The following BYSL variants were observed in gnomAD, a reference collection of about 807,000 sequenced individuals.
BYSL encodes bystin.
BYSL carries 21 observed loss-of-function variants against 45.4 expected under a neutral mutation model. The ratio of observed to expected loss-of-function variants is 0.46; its 90% CI spans 0.33 to 0.67. The LOEUF is 0.67. Ranked by LOEUF, BYSL falls within the 30% of genes least tolerant of loss-of-function variation. BYSL has a pLI of 0.02. For missense variants in BYSL, 522 were observed against 578.5 expected (o/e 0.90, Z 1.00); for synonymous variants, 215 against 231.3 (o/e 0.93, Z 0.64).
Position 41,927,461 on chromosome 6 carries a change from A to G in BYSL, c.356A>G (p.His119Arg), listed in dbSNP as rs1224162477. 1.2e-6 allele frequency: 2 copies of G among 1,614,212 alleles called. No individual in the cohort carries two copies. The highest frequency in any genetic ancestry group is 1.7e-6 in the Non-Finnish European group (2 of 1,180,022). The part of the protein sequence containing the change: ...EKAATMTAAG[H>R]HAEVVVDPED... ...GCTGCCACAATGACAGCAGCGGGCC[A>G]TCATGCAGAGGTGGTTGTGGACCCT... The change falls in exon 2 of 7, where the codon CAT becomes CGT. Residue 119 changes from histidine to arginine, a missense_variant. Physicochemically the swap from His to Arg is conservative, Grantham distance 29. Coordinates refer to ENST00000230340, the MANE Select transcript of BYSL (RefSeq NM_004053.4).
the BYSL span, among the ~76,000 whole-genome samples, chr6:41,912,199 C>CTTTTT: frequency 3.4e-5 from 4 of 119,276 alleles, no homozygotes; most frequent in Admixed American, 9.3e-5. Flanking sequence ...CCATGCCCAC[C>CTTTTT]TTTTTTTTTT....
chr6:41,924,113 T>G (rs1359440948), intron 1 of BYSL, among the ~76,000 whole-genome samples: 1 of 151,288 alleles, frequency 6.6e-6, no homozygotes, highest in Non-Finnish European at 1.5e-5. Context: ...CCAGGCTGAG[T>G]GCAATACCAC....
chr6:41,931,867 G>T (rs1775645355), intron 6 of BYSL, 37 bp downstream of exon 6: 2 of 1,560,118 alleles, frequency 1.3e-6, no homozygotes, highest in South Asian at 2.2e-5. Context: ...CTGGTCAGTG[G>T]ATATCCAGAT....
chr6:41,926,712 G>A (rs1191975770), intron 1 of BYSL, among the ~76,000 whole-genome samples: 4 of 150,770 alleles, frequency 2.7e-5, no homozygotes, highest in African/African-American at 9.7e-5. Flanking sequence ...GCCTCCCAAA[G>A]TGCTGGGATT....
the BYSL span, chr6:41,909,353 C>T: frequency 3.1e-6 from 5 of 1,614,146 alleles, no homozygotes; most frequent in Non-Finnish European, 3.4e-6. Flanking sequence ...ACCTGGTGCC[C>T]CGGGTCTCAA....
chr6:41,927,661 A>G, intron 2 of BYSL, 125 bp downstream of exon 2: 1 of 1,228,528 alleles, frequency 8.1e-7, no homozygotes. Flanking sequence ...GTAGGGGACC[A>G]CCTTGACAAA....
chr6:41,932,797 G>A lies in BYSL; in HGVS notation c.*91G>A. ...AAGATGACACTGAGCTTTAATGGCT[G>A]AAGACCCAGATCAGGGCAGTGACAG... On this transcript the variant is annotated 3_prime_UTR_variant, in exon 7 of 7. Coordinates refer to ENST00000230340, the MANE Select transcript of BYSL (RefSeq NM_004053.4). The surrounding 1 kb of genome is among the most constrained non-coding windows in gnomAD (Gnocchi z 4.7). The A allele has an allele frequency of 1.5e-6, 2 of 1,324,060 alleles. No homozygotes were observed. Among genetic ancestry groups the A allele is most frequent in the Non-Finnish European group, 2.1e-6 (2 of 967,996 alleles). 82.0% of individuals were successfully genotyped at this position (1,324,060 alleles called of 1,614,324 possible). A position where few individuals can be genotyped will look rare whatever the true frequency, so the allele number is the denominator to read the frequency against.
intron 6 of BYSL, 127 bp downstream of exon 6, chr6:41,931,957 A>G: frequency 1.1e-6 from 1 of 875,968 alleles, no homozygotes; most frequent in Non-Finnish European, 1.9e-6. Context: ...TGTTTAAGCC[A>G]ATGAGTAGGT....
At chr6:41,921,076 G>A (rs1288392766), upstream of BYSL, 3 of 1,601,030 alleles carry the variant, frequency 1.9e-6, no homozygotes, top group African/African-American at 2.7e-5. Context: ...TTCCCTGTCC[G>A]CCCACAGAAA....
chr6:41,923,246 G>A (rs757348608), intron 1 of BYSL, among the ~76,000 whole-genome samples: 5 of 151,302 alleles, frequency 3.3e-5, no homozygotes, highest in Admixed American at 6.6e-5. Context: ...GGCTCCAGTC[G>A]TCTTTCCACC....
the BYSL span, chr6:41,909,127 T>A: frequency 8.8e-6 from 10 of 1,134,988 alleles, no homozygotes; most frequent in Non-Finnish European, 8.7e-6. Context: ...TGTGCCAAGA[T>A]TGTGCCATTG....
At chr6:41,909,090 C>G in the BYSL span, 1 of 763,126 alleles carries the variant, frequency 1.3e-6, no homozygotes. Context: ...GGAAGGATCA[C>G]TTGAGCCCTG....
At chr6:41,927,675 G>T in intron 2 of BYSL, 139 bp downstream of exon 2, 1 of 1,042,316 alleles carries the variant, frequency 9.6e-7, no homozygotes, top group Non-Finnish European at 1.4e-6. Flanking sequence ...TGACAAAACT[G>T]GCCCATCCTC....
rs1775472512 is a variant in BYSL, at chr6:41,921,551, T to C, written c.-12T>C. On this transcript the variant is annotated 5_prime_UTR_variant, in exon 1 of 7. Coordinates refer to ENST00000230340, the MANE Select transcript of BYSL (RefSeq NM_004053.4). ...CCACGTGCGATCCTTCCCGGCAACT[T>C]TTTCGAGAAAAATGCCCAAATTCAA... is the stretch of plus-strand genomic sequence containing the variant. The C allele has an allele frequency of 1.3e-6, 2 of 1,554,860 alleles. No individual in the cohort carries two copies. Among genetic ancestry groups the C allele is most frequent in the Non-Finnish European group, 1.7e-6 (2 of 1,148,722 alleles).
chr6:41,930,831 A>G (rs555015904), intron 4 of BYSL, 63 bp downstream of exon 4: 84 of 1,548,650 alleles, frequency 5.4e-5, no homozygotes, highest in Non-Finnish European at 6.9e-5. Context: ...TGGGACGGAC[A>G]GGCTTTCCTT....
At chr6:41,917,292 T>C, upstream of BYSL, 1 of 172,854 alleles carries the variant, frequency 5.8e-6, no homozygotes, top group South Asian at 1.1e-4. Context: ...CCCAACTACG[T>C]GGGAGGCTCA....
chr6:41,917,051 A>G (rs756640669), upstream of BYSL: 16 of 1,166,842 alleles, frequency 1.4e-5, no homozygotes, highest in Non-Finnish European at 1.8e-5. Flanking sequence ...TATCTTGGAA[A>G]TTACCTACTC....
At chr6:41,916,047 A>C in the BYSL span, among the ~76,000 whole-genome samples, 2 of 151,802 alleles carry the variant, frequency 1.3e-5, no homozygotes, top group East Asian at 3.9e-4. Context: ...AGGAATTCAA[A>C]ACCAGCCTGG....
chr6:41,908,880 C>A, the BYSL span: 2 of 250,058 alleles, frequency 8.0e-6, no homozygotes, highest in East Asian at 1.5e-4. Context: ...GCATAAATAT[C>A]TGTTTAAATT....
Sources: allele counts gnomAD v4.1 joint callset (sites outside exome capture counted in the v4.1 genomes callset), GRCh38; gene constraint gnomAD v4.1.1; non-coding constraint Gnocchi (gnomAD v3.1); transcripts MANE v1.5; gene names NCBI Gene and HGNC (gene_info 2026-07-23, HGNC 2026-07-21).